The following ADARB2 variants were observed in gnomAD, a reference collection of about 807,000 sequenced individuals.
ADARB2 encodes the protein adenosine deaminase RNA specific B2 (inactive).
ADARB2 carries 25 observed loss-of-function variants against 62.2 expected under a neutral mutation model. The observed-to-expected ratio is 0.40, with a 90% CI of 0.29 to 0.56. The LOEUF (loss-of-function observed/expected upper bound fraction) is 0.56. Among genes scored for constraint, ADARB2 ranks in the 20% least tolerant of loss-of-function variants. The probability of loss-of-function intolerance (pLI) is 0.43; values close to 1 mark genes in which losing one functional copy is unlikely to be tolerated. For synonymous variants in ADARB2, 572 were observed against 500.8 expected (o/e 1.14, Z -1.90); for missense variants, 1,071 against 1,077.4 (o/e 0.99, Z 0.08).
intron 1 of ADARB2, among the ~76,000 whole-genome samples, chr10:1,721,588 G>A (rs1835092709): frequency 6.6e-6 from 1 of 152,228 alleles, no homozygotes; most frequent in African/African-American, 2.4e-5. Flanking sequence ...ACTTTGCACA[G>A]GAAGGTATTT....
intron 1 of ADARB2, among the ~76,000 whole-genome samples, chr10:1,528,961 C>G (rs1420432766): frequency 1.3e-5 from 2 of 152,152 alleles, no homozygotes; most frequent in Non-Finnish European, 2.9e-5. Context: ...TCTCTCTTTC[C>G]CCACAATGTA....
intron 7 of ADARB2, among the ~76,000 whole-genome samples, chr10:1,214,247 T>C (rs1337336586): frequency 1.3e-5 from 2 of 150,164 alleles, no homozygotes; most frequent in Admixed American, 6.6e-5. Context: ...TGCCTGGACC[T>C]GCCAGCGTTG....
chr10:1,653,007 G>T (rs1834130172), intron 1 of ADARB2, among the ~76,000 whole-genome samples: 2 of 152,164 alleles, frequency 1.3e-5, no homozygotes, highest in Admixed American at 1.3e-4. Flanking sequence ...CCTCCCCCCT[G>T]GGATCCTGAT....
chr10:1,394,871 AT>A (rs1309051608), intron 1 of ADARB2: 1 of 457,002 alleles, frequency 2.2e-6, no homozygotes, highest in East Asian at 7.0e-5. Flanking sequence ...TGCACAGGTC[AT>A]TTTTTCTTTT....
rs529649663 is a variant in ADARB2, at chr10:1,308,105, A to G, written c.1078-37036T>C. 1.6e-4 allele frequency among the ~76,000 whole-genome samples: 24 copies of G among 151,864 alleles called. No homozygotes were observed. The South Asian group carries it at 4.8e-3, about 30-fold the overall frequency. On this transcript the variant is annotated intron_variant, in intron 3 of 9. Transcript: ENST00000381312. ...TAAAAAAAATAAATTAAAAAAAAAA[A>G]GTATCTCCCACTGTAGTACACACAG...
intron 1 of ADARB2, among the ~76,000 whole-genome samples, chr10:1,640,753 TTTTG>T (rs569361935): frequency 1.3e-3 from 205 of 152,322 alleles, no homozygotes; most frequent in African/African-American, 4.6e-3. Flanking sequence ...CTATGAAGTA[TTTTG>T]TTTGTTTTGT....
intron 1 of ADARB2, among the ~76,000 whole-genome samples, chr10:1,713,102 A>C (rs1834971634): frequency 6.6e-6 from 1 of 152,178 alleles, no homozygotes; most frequent in South Asian, 2.1e-4. Flanking sequence ...CATAGTTGTT[A>C]GGAGTCAGGC....
At chr10:1,435,001 C>A (rs1830818427) in intron 1 of ADARB2, among the ~76,000 whole-genome samples, 1 of 152,214 alleles carries the variant, frequency 6.6e-6, no homozygotes. Context: ...GGTCCGGGAA[C>A]AAGGGCACTT....
chr10:1,652,326 T>C (rs1834120816), intron 1 of ADARB2, among the ~76,000 whole-genome samples: 1 of 152,180 alleles, frequency 6.6e-6, no homozygotes. Flanking sequence ...GACGTAGCAG[T>C]GACCAGGACT....
chr10:1,683,764 T>C (rs1481373112), intron 1 of ADARB2, among the ~76,000 whole-genome samples: 1 of 152,178 alleles, frequency 6.6e-6, no homozygotes, highest in East Asian at 1.9e-4. Flanking sequence ...CTGAAGAAAT[T>C]GTAGCTTGGA....
chr10:1,665,090 C>T (rs780823527), intron 1 of ADARB2, among the ~76,000 whole-genome samples: 12 of 152,138 alleles, frequency 7.9e-5, no homozygotes, highest in Non-Finnish European at 1.6e-4. Context: ...GTTGCCAGAA[C>T]TTCTTGTATT....
At chr10:1,454,469 GA>G (rs1298689831) in intron 1 of ADARB2, among the ~76,000 whole-genome samples, 2 of 152,194 alleles carry the variant, frequency 1.3e-5, no homozygotes, top group African/African-American at 4.8e-5. Flanking sequence ...AATGTGCAAA[GA>G]AAATGTGGAA....
intron 1 of ADARB2, among the ~76,000 whole-genome samples, chr10:1,505,679 T>C (rs1428826125): frequency 8.7e-6 from 1 of 114,464 alleles, no homozygotes; most frequent in Non-Finnish European, 2.1e-5. Context: ...TGCCCGTGGT[T>C]CTGCCACTTC....
At chr10:1,245,704 A>G (rs1300219174) in intron 4 of ADARB2, among the ~76,000 whole-genome samples, 5 of 152,166 alleles carry the variant, frequency 3.3e-5, no homozygotes, top group African/African-American at 9.7e-5. Context: ...TCCATGGTGT[A>G]TATGTGCCAC....
intron 1 of ADARB2, among the ~76,000 whole-genome samples, chr10:1,646,600 C>G (rs898011992): frequency 1.3e-5 from 2 of 152,244 alleles, no homozygotes; most frequent in South Asian, 4.1e-4. Flanking sequence ...CCACTGGCAG[C>G]AAAATGCCAG....
At chr10:1,643,705 G>A (rs941345571) in intron 1 of ADARB2, among the ~76,000 whole-genome samples, 20 of 152,262 alleles carry the variant, frequency 1.3e-4, no homozygotes, top group African/African-American at 4.6e-4. Flanking sequence ...TGACCACAAA[G>A]GTCCCTTCCA....
At chr10:1,339,924 T>A (rs2131837957) in intron 3 of ADARB2, among the ~76,000 whole-genome samples, 1 of 152,278 alleles carries the variant, frequency 6.6e-6, no homozygotes, top group South Asian at 2.1e-4. Context: ...GCATTCTGGC[T>A]TGGTGTCTCC....
intron 1 of ADARB2, among the ~76,000 whole-genome samples, chr10:1,732,775 T>C (rs2119049966): frequency 6.6e-6 from 1 of 152,328 alleles, no homozygotes; most frequent in South Asian, 2.1e-4. Context: ...CGCTCTGCCC[T>C]CATCCTCAGC....
intron 1 of ADARB2, among the ~76,000 whole-genome samples, chr10:1,558,159 C>G (rs1435008903): frequency 7.9e-5 from 12 of 152,114 alleles, no homozygotes; most frequent in Admixed American, 7.9e-4. Flanking sequence ...CACCCCCAGG[C>G]TGTGCCTGGG....
Sources: allele counts gnomAD v4.1 joint callset (sites outside exome capture counted in the v4.1 genomes callset), GRCh38; gene constraint gnomAD v4.1.1; transcripts MANE v1.5; gene names NCBI Gene and HGNC (gene_info 2026-07-23, HGNC 2026-07-21).